The following FOXP4 variants were observed in gnomAD, a reference collection of about 807,000 sequenced individuals.
FOXP4 encodes the protein forkhead box P4.
FOXP4 carries 25 observed loss-of-function variants against 82.6 expected under a neutral mutation model. The ratio of observed to expected loss-of-function variants is 0.30; its 90% CI spans 0.22 to 0.42. The LOEUF (loss-of-function observed/expected upper bound fraction) is 0.42. Ranked by LOEUF, FOXP4 falls within the 10% of genes least tolerant of loss-of-function variation. The pLI is 1.00. For synonymous variants in FOXP4, 415 were observed against 388.2 expected (o/e 1.07, Z -0.81); for missense variants, 785 against 900.9 (o/e 0.87, Z 1.65).
chr6:41,598,510 G>A (rs1435618020), intron 16 of FOXP4, among the ~76,000 whole-genome samples: 2 of 152,180 alleles, frequency 1.3e-5, no homozygotes, highest in African/African-American at 2.4e-5. Flanking sequence ...GAGCCACCTC[G>A]CCTGGCCTCT....
intron 2 of FOXP4, chr6:41,570,356 A>T: frequency 8.5e-6 from 4 of 471,178 alleles, no homozygotes; most frequent in Non-Finnish European, 1.8e-5. Context: ...GCTGCTGGGG[A>T]ATGCTCAGAA....
At chr6:41,561,905 C>A (rs1043089312) in intron 1 of FOXP4, among the ~76,000 whole-genome samples, 1 of 152,168 alleles carries the variant, frequency 6.6e-6, no homozygotes, top group African/African-American at 2.4e-5. Context: ...CCTGCCTGCT[C>A]CCCTAGCCAG....
chr6:41,590,459 C>T (rs1350716074), intron 12 of FOXP4, 112 bp downstream of exon 12: 7 of 1,145,010 alleles, frequency 6.1e-6, no homozygotes, highest in Admixed American at 2.1e-5. Flanking sequence ...GGAGCTGTCC[C>T]GCTCCCTCTC....
rs918952823 is a variant in FOXP4, at chr6:41,593,439, C to T, written c.1537-1431C>T. Among the ~76,000 whole-genome samples, 7 of 152,308 alleles carry T rather than the reference C, an allele frequency of 4.6e-5. No homozygotes were observed. Among genetic ancestry groups the T allele is most frequent in the African/African-American group, 1.7e-4 (7 of 41,562 alleles). On this transcript the variant is annotated intron_variant, in intron 13 of 16. Transcript: ENST00000307972. This position sits in a 1 kb window ranked among gnomAD's most constrained non-coding sequence, Gnocchi z 4.1. ...CCCCTCCCAAGGCCCGTGTTGTGGG[C>T]CCGTCCTTTTGTTTACGAAGCCCCT...
Position 41,590,391 on chromosome 6 carries a change from C to A in FOXP4, c.1434+44C>A, listed in dbSNP as rs768105202. The A allele has an allele frequency of 9.2e-5, 145 of 1,584,548 alleles. 1 individual carries two copies. In the South Asian group the frequency reaches 1.5e-3, roughly 17 times the overall value. The stretch of plus-strand genomic sequence containing the variant: ...AGGAGGGTGGGGAATGGCACACAGG[C>A]TGCTCCCCCAGCCCCCGCCACACCC... On this transcript the variant is annotated intron_variant, in intron 12 of 16. Transcript: ENST00000307972.
At chr6:41,560,133 C>A (rs1689919354) in intron 1 of FOXP4, among the ~76,000 whole-genome samples, 1 of 152,180 alleles carries the variant, frequency 6.6e-6, no homozygotes, top group South Asian at 2.1e-4. Flanking sequence ...AATCAACTTG[C>A]TCCAAGTCAC....
Position 41,601,103 on chromosome 6 carries a change from G to A in FOXP4, c.*2167G>A, listed in dbSNP as rs1037779042. Reference sequence around the variant, plus strand: ...GTCTTCAAGGGGGCTGCCTGGATAGGCGTGTGTGTGTGTAGTGCCCAGGTG... The same window carrying A: ...GTCTTCAAGGGGGCTGCCTGGATAGACGTGTGTGTGTGTAGTGCCCAGGTG... On this transcript the variant is annotated 3_prime_UTR_variant, in exon 17 of 17. Coordinates refer to ENST00000307972, the MANE Select transcript of FOXP4 (RefSeq NM_001012426.2). 6.6e-6 allele frequency: 1 copy of A among 152,396 alleles called. No homozygotes were observed. The highest frequency in any genetic ancestry group is 2.4e-5 in the African/African-American group (1 of 41,442). The allele number at this position is 152,396 out of a possible 1,614,324, so 9.4% of individuals were successfully genotyped here.
intron 2 of FOXP4, among the ~76,000 whole-genome samples, chr6:41,567,761 C>T (rs939424848): frequency 6.6e-6 from 1 of 152,184 alleles, no homozygotes; most frequent in African/African-American, 2.4e-5. Flanking sequence ...CTTGGTTCTG[C>T]GTTGCACATG....
Position 41,599,975 on chromosome 6 carries a change from C to G in FOXP4, c.*1039C>G, listed in dbSNP as rs1232545291. 6.6e-6 allele frequency: 1 copy of G among 152,610 alleles called. No individual in the cohort carries two copies. Among genetic ancestry groups the G allele is most frequent in the Non-Finnish European group, 1.5e-5 (1 of 68,056 alleles). 9.5% of individuals were successfully genotyped at this position (152,610 alleles called of 1,614,324 possible). Reference sequence around the variant, plus strand: ...AGCAAAAACCAAAACTTTTTGTTGGCTTTTTCCTTTGTCGCCTCCCCAGCA... The same window carrying G: ...AGCAAAAACCAAAACTTTTTGTTGGGTTTTTCCTTTGTCGCCTCCCCAGCA... On this transcript the variant is annotated 3_prime_UTR_variant, in exon 17 of 17. Coordinates refer to ENST00000307972, the MANE Select transcript of FOXP4 (RefSeq NM_001012426.2).
intron 2 of FOXP4, among the ~76,000 whole-genome samples, chr6:41,575,793 GGAGTGTGTCAT>G: frequency 2.9e-5 from 4 of 139,238 alleles, no homozygotes; most frequent in Non-Finnish European, 6.0e-5. Flanking sequence ...CCGGGGATCT[GGAGTGTGTCAT>G]CTCCCCACCC....
chr6:41,588,578 G>A (rs910893089), intron 8 of FOXP4, 66 bp from the exon 9 acceptor site: 49 of 1,480,642 alleles, frequency 3.3e-5, no homozygotes, highest in Non-Finnish European at 4.3e-5. Context: ...TAGAGGATAG[G>A]ATGGGAGGAT....
chr6:41,559,316 A>G (rs1384476096), intron 1 of FOXP4, among the ~76,000 whole-genome samples: 3 of 152,206 alleles, frequency 2.0e-5, no homozygotes, highest in African/African-American at 4.8e-5. Flanking sequence ...GCTCTGCTGG[A>G]GTCTGCATAC....
intron 1 of FOXP4, among the ~76,000 whole-genome samples, chr6:41,549,759 G>A (rs146482623): frequency 6.6e-6 from 1 of 151,508 alleles, no homozygotes; most frequent in Non-Finnish European, 1.5e-5. Context: ...GGAGAAGAAT[G>A]GGAACAGGGT....
At chr6:41,586,607 A>T (rs1766138989) in intron 5 of FOXP4, among the ~76,000 whole-genome samples, 2 of 152,308 alleles carry the variant, frequency 1.3e-5, no homozygotes, top group Admixed American at 6.5e-5. Flanking sequence ...CACCCCGGGC[A>T]TGTGGGAAGG....
chr6:41,575,785 G>A lies in FOXP4; in HGVS notation c.205-2201G>A, dbSNP rs535950494. Among the ~76,000 whole-genome samples, 4 of 84,830 alleles carry A rather than the reference G, an allele frequency of 4.7e-5. No individual in the cohort carries two copies. The South Asian group carries it at 1.2e-3, about 26-fold the overall frequency. 55.7% of individuals were successfully genotyped at this position (84,830 alleles called of 152,430 possible). ...TCCCTGCTGTTCCCTCCTGTCCCCC[G>A]GGGATCTGGAGTGTGTCATCTCCCC... On this transcript the variant is annotated intron_variant, in intron 2 of 16. Coordinates refer to ENST00000307972, the MANE Select transcript of FOXP4 (RefSeq NM_001012426.2).
intron 1 of FOXP4, among the ~76,000 whole-genome samples, chr6:41,550,917 G>T (rs1763960592): frequency 6.6e-6 from 1 of 152,240 alleles, no homozygotes; most frequent in South Asian, 2.1e-4. Flanking sequence ...CCTTATGGAA[G>T]ATTTTGGCAG....
intron 2 of FOXP4, among the ~76,000 whole-genome samples, chr6:41,574,517 C>A (rs1765369384): frequency 6.6e-6 from 1 of 152,238 alleles, no homozygotes; most frequent in Non-Finnish European, 1.5e-5. Flanking sequence ...TCAGCCTAGA[C>A]TAAAATGAGT....
chr6:41,561,041 C>T (rs964887674), intron 1 of FOXP4, among the ~76,000 whole-genome samples: 1 of 152,210 alleles, frequency 6.6e-6, no homozygotes, highest in Non-Finnish European at 1.5e-5. Context: ...TCGTTGCGCA[C>T]TCGCCCGCCC....
chr6:41,594,782 T>G lies in FOXP4; in HGVS notation c.1537-88T>G, dbSNP rs146296370. On this transcript the variant is annotated intron_variant, in intron 13 of 16. Transcript: ENST00000307972. ...TGAGCTGGGGAAGGTGGGCCGCTGC[T>G]GCGTGGGACATGGGATGGGATGAGG... The G allele has an allele frequency of 5.8e-4, 918 of 1,572,656 alleles. 7 individuals carry two copies. The African/African-American group carries it at 0.011, about 19-fold the overall frequency.
Sources: gnomAD v4.1 joint callset for allele counts (sites outside exome capture counted in the v4.1 genomes callset) on GRCh38, gnomAD v4.1.1 for gene constraint, Gnocchi (gnomAD v3.1) non-coding constraint, MANE v1.5 for transcripts, NCBI Gene and HGNC (gene_info 2026-07-23, HGNC 2026-07-21) for gene names.